EXOC4: variants seen among roughly 807,000 people sequenced by gnomAD.
EXOC4 encodes SEC8-like 1.
A neutral mutation model predicts 107.2 loss-of-function variants in EXOC4; 71 were observed. The ratio of observed to expected loss-of-function variants is 0.66; its 90% confidence interval spans 0.55 to 0.81. The LOEUF (loss-of-function observed/expected upper bound fraction) is 0.81, where lower values mean the gene tolerates loss of function less well. Ranked by LOEUF, EXOC4 falls within the 30% of genes least tolerant of loss-of-function variation. EXOC4 has a pLI of 0.00. For synonymous variants in EXOC4, 456 were observed against 441.2 expected (o/e 1.03, Z -0.42); for missense variants, 1,108 against 1,189.6 (o/e 0.93, Z 1.01).
chr7:133,970,748 G>A (rs984757249), intron 14 of EXOC4, among the ~76,000 whole-genome samples: 13 of 152,044 alleles, frequency 8.6e-5, no homozygotes, highest in Non-Finnish European at 1.6e-4. Flanking sequence ...CACCTTCTGC[G>A]TTGATCTCGC....
At chr7:133,960,726 AT>A (rs1800922843) in intron 14 of EXOC4, among the ~76,000 whole-genome samples, 1 of 152,130 alleles carries the variant, frequency 6.6e-6, no homozygotes, top group Admixed American at 6.5e-5. Context: ...GTTAGCTAGT[AT>A]TTTGTTAAGT....
intron 9 of EXOC4, among the ~76,000 whole-genome samples, chr7:133,620,273 C>T (rs563930545): frequency 1.3e-3 from 203 of 152,034 alleles, no homozygotes; most frequent in African/African-American, 4.6e-3. Flanking sequence ...GTGATCCACC[C>T]GCCTCAGCCT....
intron 12 of EXOC4, among the ~76,000 whole-genome samples, chr7:133,906,822 G>T (rs1799577559): frequency 6.6e-6 from 1 of 152,220 alleles, no homozygotes; most frequent in African/African-American, 2.4e-5. Context: ...GCTTGCCATT[G>T]CTCCTGCACA....
At chr7:133,484,190 TA>T in intron 9 of EXOC4, 2 of 1,546,004 alleles carry the variant, frequency 1.3e-6, no homozygotes, top group Non-Finnish European at 1.7e-6. Context: ...ATAAAAGGAT[TA>T]AAAAAATGAG....
intron 7 of EXOC4, among the ~76,000 whole-genome samples, chr7:133,417,060 A>G (rs1797494070): frequency 6.6e-6 from 1 of 152,162 alleles, no homozygotes; most frequent in Non-Finnish European, 1.5e-5. Flanking sequence ...TGATTATGTG[A>G]TTTTTATACC....
At chr7:134,029,694 A>C (rs1157010630) in intron 17 of EXOC4, among the ~76,000 whole-genome samples, 1 of 151,958 alleles carries the variant, frequency 6.6e-6, no homozygotes, top group Non-Finnish European at 1.5e-5. Flanking sequence ...TAATTTTTTA[A>C]AATTTTTGAA....
At chr7:133,486,350 G>A (rs528974200) in intron 9 of EXOC4, among the ~76,000 whole-genome samples, 79 of 152,190 alleles carry the variant, frequency 5.2e-4, no homozygotes, top group African/African-American at 1.8e-3. Context: ...ATTTATAATA[G>A]GAGTCTCTTA....
chr7:133,649,738 T>C (rs1228070158), intron 10 of EXOC4, among the ~76,000 whole-genome samples: 1 of 152,180 alleles, frequency 6.6e-6, no homozygotes, highest in Non-Finnish European at 1.5e-5. Flanking sequence ...TTCCAACACC[T>C]TATTTCTACT....
intron 10 of EXOC4, among the ~76,000 whole-genome samples, chr7:133,681,531 A>G (rs965875366): frequency 6.6e-6 from 1 of 152,210 alleles, no homozygotes; most frequent in African/African-American, 2.4e-5. Flanking sequence ...CCCAGCTTAC[A>G]TTCAATGTTG....
chr7:133,905,073 G>A (rs1799537077), intron 12 of EXOC4, among the ~76,000 whole-genome samples: 1 of 152,170 alleles, frequency 6.6e-6, no homozygotes, highest in Admixed American at 6.5e-5. Flanking sequence ...ACTGGGGAAG[G>A]AGGAAGGGAG....
intron 10 of EXOC4, among the ~76,000 whole-genome samples, chr7:133,655,037 G>T (rs958134750): frequency 6.6e-6 from 1 of 152,102 alleles, no homozygotes; most frequent in Non-Finnish European, 1.5e-5. Flanking sequence ...TGAGTGGTAC[G>T]TGAATGTGAA....
chr7:133,639,037 G>A (rs1802782587), intron 10 of EXOC4, among the ~76,000 whole-genome samples: 1 of 152,132 alleles, frequency 6.6e-6, no homozygotes, highest in African/African-American at 2.4e-5. Flanking sequence ...TGCTTATTCA[G>A]CATTTGACGA....
chr7:133,482,253 C>T (rs2150862790), intron 9 of EXOC4, among the ~76,000 whole-genome samples: 1 of 152,216 alleles, frequency 6.6e-6, no homozygotes, highest in South Asian at 2.1e-4. Context: ...AACAGAGTTC[C>T]TGTGTGCCCT....
chr7:133,836,426 T>G (rs558612883), intron 11 of EXOC4, among the ~76,000 whole-genome samples: 19 of 152,322 alleles, frequency 1.2e-4, no homozygotes, highest in African/African-American at 4.3e-4. Flanking sequence ...TCTATTTTTG[T>G]TCTACCTGTT....
At chr7:133,705,739 A>G (rs1261496516) in intron 10 of EXOC4, among the ~76,000 whole-genome samples, 1 of 152,244 alleles carries the variant, frequency 6.6e-6, no homozygotes, top group African/African-American at 2.4e-5. Context: ...ACTAATGGAC[A>G]GGTAGCGTAA....
Position 133,479,996 on chromosome 7 carries a change from C to G in EXOC4, c.1329-54C>G, listed in dbSNP as rs1295008067. The G allele has an allele frequency of 7.3e-6, 10 of 1,375,966 alleles. No homozygotes were observed. The East Asian group carries it at 1.8e-4, about 25-fold the overall frequency. The allele number at this position is 1,375,966 out of a possible 1,614,324, so 85.2% of individuals were successfully genotyped here. A position where few individuals can be genotyped will look rare whatever the true frequency, so the allele number is the denominator to read the frequency against. On this transcript the variant is annotated intron_variant, in intron 8 of 17. Transcript: ENST00000253861. ...GAATAATGTGGAATACAGAGCTGGT[C>G]AGCACTTAATTGGTTTACACCTGCT...
chr7:133,254,961 T>TA (rs1794981342), intron 1 of EXOC4, among the ~76,000 whole-genome samples: 2 of 152,186 alleles, frequency 1.3e-5, no homozygotes, highest in African/African-American at 4.8e-5. Context: ...AAGCTTTTTT[T>TA]ACTAATGCTA....
chr7:133,763,443 A>G (rs1208545948), intron 10 of EXOC4, among the ~76,000 whole-genome samples: 1 of 152,130 alleles, frequency 6.6e-6, no homozygotes, highest in African/African-American at 2.4e-5. Context: ...TTTTGAAATC[A>G]TAAAAAATGA....
chr7:133,626,431 G>T (rs559475644), intron 9 of EXOC4, among the ~76,000 whole-genome samples: 1 of 152,128 alleles, frequency 6.6e-6, no homozygotes, highest in Non-Finnish European at 1.5e-5. Context: ...TATTGGTAAT[G>T]TAGTAAGAAA....
Sources: allele counts gnomAD v4.1 joint callset (sites outside exome capture counted in the v4.1 genomes callset), GRCh38; gene constraint gnomAD v4.1.1; transcripts MANE v1.5; gene names NCBI Gene and HGNC (gene_info 2026-07-23, HGNC 2026-07-21).